Variants in RNF144B observed in about 807,000 individuals in gnomAD.
RNF144B encodes the protein E3 ubiquitin-protein ligase RNF144B.
RNF144B carries 25 observed loss-of-function variants against 40.2 expected under a neutral mutation model. The ratio of observed to expected loss-of-function variants is 0.62; its 90% CI spans 0.45 to 0.87. The LOEUF (loss-of-function observed/expected upper bound fraction) is 0.87, where lower values mean the gene tolerates loss of function less well. Among genes scored for constraint, RNF144B ranks in the 40% least tolerant of loss-of-function variants. The probability of loss-of-function intolerance (pLI) is 0.00; values close to 1 mark genes in which losing one functional copy is unlikely to be tolerated. For missense variants in RNF144B, 365 were observed against 373.7 expected (o/e 0.98, Z 0.19); for synonymous variants, 145 against 136.3 (o/e 1.06, Z -0.44).
chr6:18,396,281 T>G (rs1389245156), intron 1 of RNF144B: 1 of 600,518 alleles, frequency 1.7e-6, no homozygotes, highest in Non-Finnish European at 2.1e-6. Context: ...CCATTATGGA[T>G]AATAATTGAG....
chr6:18,430,973 T>G (rs1758681314), intron 3 of RNF144B, among the ~76,000 whole-genome samples: 1 of 152,160 alleles, frequency 6.6e-6, no homozygotes, highest in African/African-American at 2.4e-5. Context: ...CCAGGTGCAG[T>G]GGCTCACGCC....
At chr6:18,452,304 GAATA>G (rs1562057819) in intron 4 of RNF144B, among the ~76,000 whole-genome samples, 1 of 152,146 alleles carries the variant, frequency 6.6e-6, no homozygotes, top group Non-Finnish European at 1.5e-5. Context: ...TCCATGAAAT[GAATA>G]GACAGCAGCA....
At chr6:18,432,437 G>C (rs957346523) in intron 3 of RNF144B, among the ~76,000 whole-genome samples, 1 of 152,204 alleles carries the variant, frequency 6.6e-6, no homozygotes, top group Admixed American at 6.5e-5. Flanking sequence ...TGCATCATCT[G>C]GTACTTTTAG....
rs1355852760 is a variant in RNF144B at position 18,434,864 on chromosome 6, ACCTGCCTCGGCCTC to A, written c.271-4817_271-4804del. Among the ~76,000 whole-genome samples, 1 of 152,048 alleles carries A rather than the reference ACCTGCCTCGGCCTC, an allele frequency of 6.6e-6. No homozygotes were observed. Among genetic ancestry groups the A allele is most frequent in the Admixed American group, 6.6e-5 (1 of 15,254 alleles). ...TCTCAATCTCCTGACCTCGTGATCC[ACCTGCCTCGGCCTC>A]CCAAAGTGCTAGGATTACAGGCGTA... On this transcript the variant is annotated intron_variant, in intron 3 of 7. Transcript: ENST00000259939. This position sits in a 1 kb window ranked among gnomAD's most constrained non-coding sequence, Gnocchi z 4.1.
intron 2 of RNF144B, among the ~76,000 whole-genome samples, chr6:18,403,857 G>A (rs1794841070): frequency 1.3e-5 from 2 of 152,206 alleles, no homozygotes; most frequent in African/African-American, 4.8e-5. Context: ...CAAAGGGAAA[G>A]TGGACATGTG....
At chr6:18,438,063 A>ATGG (rs766494607) in intron 3 of RNF144B, among the ~76,000 whole-genome samples, 3 of 152,190 alleles carry the variant, frequency 2.0e-5, no homozygotes, top group Non-Finnish European at 4.4e-5. Flanking sequence ...TTGGGCCCAG[A>ATGG]TGGTATCACC....
rs980889432 is a variant in RNF144B at position 18,434,502 on chromosome 6, G to T, written c.271-5182G>T. On this transcript the variant is annotated intron_variant, in intron 3 of 7. Transcript: ENST00000259939. This position sits in a 1 kb window ranked among gnomAD's most constrained non-coding sequence, Gnocchi z 4.1. Reference sequence around the variant, plus strand: ...ACGTTAGAGAGATTAAATCACAGTTGTGTGTAACAGTTACAGCACTCCCGT... The same window carrying T: ...ACGTTAGAGAGATTAAATCACAGTTTTGTGTAACAGTTACAGCACTCCCGT... Among the ~76,000 whole-genome samples the T allele has an allele frequency of 2.6e-5, 4 of 152,170 alleles. No homozygotes were observed. Among genetic ancestry groups the T allele is most frequent in the Admixed American group, 2.6e-4 (4 of 15,286 alleles).
intron 3 of RNF144B, among the ~76,000 whole-genome samples, chr6:18,435,474 GATAGAA>G (rs1758796132): frequency 6.6e-6 from 1 of 151,636 alleles, no homozygotes; most frequent in Non-Finnish European, 1.5e-5. Context: ...CAAAATGAAT[GATAGAA>G]ATAGAAAAAT....
rs1043322336 is a variant in RNF144B at position 18,467,140 on chromosome 6, G to A, written c.*2073G>A. 2.0e-5 allele frequency: 3 copies of A among 152,562 alleles called. No individual in the cohort carries two copies. The highest frequency in any genetic ancestry group is 1.3e-4 in the Admixed American group (2 of 15,272). 9.5% of individuals were successfully genotyped at this position (152,562 alleles called of 1,614,324 possible). On this transcript the variant is annotated 3_prime_UTR_variant, in exon 8 of 8. Coordinates refer to ENST00000259939, the MANE Select transcript of RNF144B (RefSeq NM_182757.4). ...CATTTATAACTGCTCAGGGGATTAC[G>A]AGAACTCAACTGAAACTGAATTTTT...
At chr6:18,428,207 C>T (rs1758609828) in intron 3 of RNF144B, among the ~76,000 whole-genome samples, 1 of 152,126 alleles carries the variant, frequency 6.6e-6, no homozygotes, top group African/African-American at 2.4e-5. Context: ...TCTCTTCTAC[C>T]ATGATTGTAA....
chr6:18,415,106 G>T (rs1795124764), intron 2 of RNF144B, among the ~76,000 whole-genome samples: 1 of 152,016 alleles, frequency 6.6e-6, no homozygotes, highest in Non-Finnish European at 1.5e-5. Flanking sequence ...ATATAAATGG[G>T]TTTTCTACTG....
intron 1 of RNF144B, among the ~76,000 whole-genome samples, chr6:18,391,852 A>AGCCGGGGGACAGC (rs1402589774): frequency 6.7e-6 from 1 of 149,822 alleles, no homozygotes; most frequent in Non-Finnish European, 1.5e-5. Context: ...TGGGGGACAG[A>AGCCGGGGGACAGC]GCCAGACTCC....
intron 6 of RNF144B, among the ~76,000 whole-genome samples, chr6:18,461,698 A>G (rs1242186367): frequency 6.6e-6 from 1 of 152,098 alleles, no homozygotes; most frequent in Non-Finnish European, 1.5e-5. Flanking sequence ...GTTTTCTAAG[A>G]TCTCATTTTC....
rs1759130530 is a variant in RNF144B, at chr6:18,448,353, C to T, written c.331+8609C>T. Among the ~76,000 whole-genome samples, 1 of 151,968 alleles carries T rather than the reference C, an allele frequency of 6.6e-6. No individual in the cohort carries two copies. Among genetic ancestry groups the T allele is most frequent in the Non-Finnish European group, 1.5e-5 (1 of 67,990 alleles). On this transcript the variant is annotated intron_variant, in intron 4 of 7. Transcript: ENST00000259939. The surrounding 1 kb of genome is among the most constrained non-coding windows in gnomAD (Gnocchi z 4.0). Reference sequence around the variant, plus strand: ...GGAAAGAAGGTGGAGAGGTTACGGACATGGATGCAGGCAGCCTAGTAGATT... The same window carrying T: ...GGAAAGAAGGTGGAGAGGTTACGGATATGGATGCAGGCAGCCTAGTAGATT...
At chr6:18,397,242 A>G in intron 1 of RNF144B, among the ~76,000 whole-genome samples, 1 of 152,112 alleles carries the variant, frequency 6.6e-6, no homozygotes, top group East Asian at 1.9e-4. Flanking sequence ...ATTTTCCCCT[A>G]CTTGTTTTAG....
At chr6:18,424,861 G>C (rs1257965830) in intron 2 of RNF144B, among the ~76,000 whole-genome samples, 1 of 152,162 alleles carries the variant, frequency 6.6e-6, no homozygotes, top group Non-Finnish European at 1.5e-5. Context: ...CACCTTAAGT[G>C]GTTTAACTGG....
At chr6:18,445,042 A>C (rs977372964) in intron 4 of RNF144B, among the ~76,000 whole-genome samples, 2 of 151,968 alleles carry the variant, frequency 1.3e-5, no homozygotes, top group Non-Finnish European at 2.9e-5. Context: ...CCCTCTTTGT[A>C]GACTGTGTGA....
intron 3 of RNF144B, among the ~76,000 whole-genome samples, chr6:18,435,368 A>C (rs1389070576): frequency 6.6e-6 from 1 of 152,146 alleles, no homozygotes; most frequent in Non-Finnish European, 1.5e-5. Context: ...CACTGAATAA[A>C]ATAAATGTCT....
Position 18,457,810 on chromosome 6 carries a change from G to A in RNF144B, c.536+451G>A, listed in dbSNP as rs1028153052. ...GAAAGAACACAACAATAGAAACAACGGTCCTAAATTCTTTCAGCACGTAGA... is the reference window on the plus strand; with the variant it reads ...GAAAGAACACAACAATAGAAACAACAGTCCTAAATTCTTTCAGCACGTAGA... On this transcript the variant is annotated intron_variant, in intron 5 of 7. Coordinates refer to ENST00000259939, the MANE Select transcript of RNF144B (RefSeq NM_182757.4). The surrounding 1 kb of genome is among the most constrained non-coding windows in gnomAD (Gnocchi z 5.1). 1.3e-5 allele frequency among the ~76,000 whole-genome samples: 2 copies of A among 152,110 alleles called. No homozygotes were observed. Among genetic ancestry groups the A allele is most frequent in the African/African-American group, 2.4e-5 (1 of 41,408 alleles).
Sources: allele counts gnomAD v4.1 joint callset (sites outside exome capture counted in the v4.1 genomes callset), GRCh38; gene constraint gnomAD v4.1.1; non-coding constraint Gnocchi (gnomAD v3.1); transcripts MANE v1.5; gene names NCBI Gene and HGNC (gene_info 2026-07-23, HGNC 2026-07-21).